SNED1: variants seen among roughly 807,000 people sequenced by gnomAD.
SNED1 encodes sushi, nidogen and EGF-like domain-containing protein 1.
In SNED1, 81 loss-of-function variants were observed where a neutral mutation model predicts 166.7. The observed-to-expected ratio is 0.49, with a 90% CI of 0.41 to 0.58. SNED1 has a LOEUF of 0.58. SNED1 is among the 20% of genes least tolerant of loss of function. The pLI is 0.00. For missense variants in SNED1, 1,604 were observed against 2,000.2 expected (o/e 0.80, Z 3.78); for synonymous variants, 762 against 822.0 (o/e 0.93, Z 1.25).
chr2:241,080,623 T>C (rs1038189555), intron 27 of SNED1, among the ~76,000 whole-genome samples: 2 of 152,226 alleles, frequency 1.3e-5, no homozygotes, highest in Admixed American at 6.5e-5. Flanking sequence ...GGAGCCAACC[T>C]GAAGGGCTCC....
At chr2:241,020,548 G>A (rs2060740695) in intron 1 of SNED1, among the ~76,000 whole-genome samples, 1 of 152,220 alleles carries the variant, frequency 6.6e-6, no homozygotes, top group Non-Finnish European at 1.5e-5. Context: ...TCTTGGCTTT[G>A]GTACTCTTGA....
At chr2:241,043,245 T>TA (rs1484774091) in intron 8 of SNED1, among the ~76,000 whole-genome samples, 2 of 151,876 alleles carry the variant, frequency 1.3e-5, no homozygotes, top group African/African-American at 2.4e-5. Flanking sequence ...AAACTAATGA[T>TA]AAAAAACCTC....
intron 8 of SNED1, among the ~76,000 whole-genome samples, chr2:241,047,566 C>T (rs1390162756): frequency 6.6e-6 from 1 of 152,074 alleles, no homozygotes; most frequent in African/African-American, 2.4e-5. Context: ...ATAAGTAAGG[C>T]CCAATACATT....
intron 2 of SNED1, 94 bp downstream of exon 2, chr2:241,030,665 G>T (rs1228004869): frequency 3.0e-6 from 4 of 1,316,128 alleles, no homozygotes; most frequent in Non-Finnish European, 4.2e-6. Context: ...TGTGGGTGTG[G>T]TGCAGTCACT....
intron 1 of SNED1, among the ~76,000 whole-genome samples, chr2:241,026,760 T>G (rs1239972227): frequency 3.3e-5 from 5 of 152,210 alleles, no homozygotes; most frequent in African/African-American, 4.8e-5. Context: ...AACATAAAAT[T>G]TAATATCATA....
chr2:241,085,401 CTG>C (rs1235546520), intron 29 of SNED1, among the ~76,000 whole-genome samples: 2 of 152,158 alleles, frequency 1.3e-5, no homozygotes, highest in African/African-American at 4.8e-5. Flanking sequence ...TTTATTAATA[CTG>C]TGTTTTATCA....
At position 241,094,335 on chromosome 2, in the gene SNED1, C is replaced by T. The variant is rs774988119; in HGVS notation, c.*2699C>T. The T allele has an allele frequency of 4.3e-6, 2 of 470,578 alleles. No homozygotes were observed. The highest frequency in any genetic ancestry group is 2.0e-5 in the African/African-American group (1 of 50,196). The allele number at this position is 470,578 out of a possible 1,614,324, so 29.2% of individuals were successfully genotyped here. ...ACTGGCAAAGGACTGCCACTGCCAT[C>T]TGACTCAACTGTGGCGATGTGGACG... On this transcript the variant is annotated 3_prime_UTR_variant, in exon 32 of 32. Coordinates refer to ENST00000310397, the MANE Select transcript of SNED1 (RefSeq NM_001080437.3). The surrounding 1 kb of genome is among the most constrained non-coding windows in gnomAD (Gnocchi z 4.3).
At chr2:241,034,783 G>C in intron 4 of SNED1, 53 bp downstream of exon 4, 2 of 1,479,156 alleles carry the variant, frequency 1.4e-6, no homozygotes, top group Non-Finnish European at 1.8e-6. Flanking sequence ...GAAGGGGGTT[G>C]ATGGCAGAGG....
chr2:241,052,439 C>A lies in SNED1; in HGVS notation c.2054C>A (p.Ala685Glu). 6.2e-7 allele frequency: 1 copy of A among 1,609,444 alleles called. No homozygotes were observed. The highest frequency in any genetic ancestry group is 8.5e-7 in the Non-Finnish European group (1 of 1,177,756). ...RDTDFFCHCQ[A>E]GYMGRRCQAE... ...ACGGATTTCTTCTGCCACTGCCAAGCAGGGTACATGGGACGCCGGTGCCAG... is the reference window on the plus strand; with the variant it reads ...ACGGATTTCTTCTGCCACTGCCAAGAAGGGTACATGGGACGCCGGTGCCAG... Residue 685 changes from alanine (A) to glutamate (E), a missense_variant, in exon 15 of 32, where the codon GCA becomes GAA. Transcript: ENST00000310397.
At position 241,068,467 on chromosome 2, in the gene SNED1, A is replaced by G. The variant is rs190342870; in HGVS notation, c.3195-444A>G. On this transcript the variant is annotated intron_variant, in intron 22 of 31. Coordinates refer to ENST00000310397, the MANE Select transcript of SNED1 (RefSeq NM_001080437.3). This position sits in a 1 kb window ranked among gnomAD's most constrained non-coding sequence, Gnocchi z 5.3. ...TGCTCAGCGCAGGCAGGGGTGCAGGAAAAGATCGGAGAGCGAGTGGGAAGG... is the reference window on the plus strand; with the variant it reads ...TGCTCAGCGCAGGCAGGGGTGCAGGGAAAGATCGGAGAGCGAGTGGGAAGG... 1.9e-3 allele frequency among the ~76,000 whole-genome samples: 289 copies of G among 152,240 alleles called. No homozygotes were observed. The highest frequency in any genetic ancestry group is 6.6e-3 in the African/African-American group (275 of 41,528).
chr2:240,999,180 G>GGACA lies in SNED1; in HGVS notation c.213+132_213+135dup, dbSNP rs552823966. ...ACCGGGGCGGCCCGAGGTGGAATGA[G>GGACA]GACAGCGCTTCCTCCTCGGCGGCCA... On this transcript the variant is annotated intron_variant, in intron 1 of 31. Coordinates refer to ENST00000310397, the MANE Select transcript of SNED1 (RefSeq NM_001080437.3). The surrounding 1 kb of genome is among the most constrained non-coding windows in gnomAD (Gnocchi z 5.8). 2.9e-4 allele frequency: 128 copies of GGACA among 446,770 alleles called. No individual in the cohort carries two copies. In the South Asian group the frequency reaches 7.6e-3, roughly 26 times the overall value. The allele number at this position is 446,770 out of a possible 1,614,324, so 27.7% of individuals were successfully genotyped here.
intron 1 of SNED1, among the ~76,000 whole-genome samples, chr2:241,029,582 G>C (rs1184332055): frequency 6.6e-6 from 1 of 152,268 alleles, no homozygotes; most frequent in South Asian, 2.1e-4. Flanking sequence ...CCTGTTATAA[G>C]TAAGAAAACC....
chr2:241,054,393 C>A (rs1410501724), intron 16 of SNED1, among the ~76,000 whole-genome samples: 1 of 151,954 alleles, frequency 6.6e-6, no homozygotes, highest in Non-Finnish European at 1.5e-5. Context: ...CATAGGGAGA[C>A]CTCATCTCTA....
chr2:241,046,775 A>C (rs1195559469), intron 8 of SNED1, among the ~76,000 whole-genome samples: 1 of 152,224 alleles, frequency 6.6e-6, no homozygotes, highest in Non-Finnish European at 1.5e-5. Flanking sequence ...GGTGTGGTGA[A>C]CAAAAGTCAA....
chr2:241,037,861 A>C (rs1014708670), intron 6 of SNED1, among the ~76,000 whole-genome samples: 1 of 152,172 alleles, frequency 6.6e-6, no homozygotes, highest in African/African-American at 2.4e-5. Flanking sequence ...CCCTGCCTTC[A>C]GGGAAAGGGG....
At chr2:241,025,859 T>C (rs2060946530) in intron 1 of SNED1, among the ~76,000 whole-genome samples, 1 of 152,076 alleles carries the variant, frequency 6.6e-6, no homozygotes, top group Non-Finnish European at 1.5e-5. Context: ...ATGCCCCTAA[T>C]GGTAACCTGT....
intron 20 of SNED1, 102 bp from the exon 21 acceptor site, chr2:241,065,197 C>A: frequency 8.1e-7 from 1 of 1,232,876 alleles, no homozygotes; most frequent in South Asian, 1.4e-5. Context: ...ATGGCTGTGT[C>A]AGGCCCAAGA....
chr2:241,044,765 G>T (rs968923683), intron 8 of SNED1, among the ~76,000 whole-genome samples: 14 of 152,194 alleles, frequency 9.2e-5, no homozygotes, highest in African/African-American at 3.4e-4. Flanking sequence ...TTTCAAAGGG[G>T]TTGGGTATTG....
Position 241,030,471 on chromosome 2 carries a change from T to G in SNED1, c.401T>G (p.Val134Gly). 6.2e-7 allele frequency: 1 copy of G among 1,613,910 alleles called. No homozygotes were observed. The highest frequency in any genetic ancestry group is 8.5e-7 in the Non-Finnish European group (1 of 1,179,890). ...PAMLRRATED[V>G]RHYFPELLDF... The stretch of plus-strand genomic sequence containing the variant: ...ATGCTGCGCCGAGCCACGGAGGACG[T>G]CAGGCACTACTTCCCCGAGCTCCTG... The change falls in exon 2 of 32, where the codon GTC (valine) becomes GGC (glycine). Residue 134 changes from valine (V) to glycine (G), a missense_variant. By Grantham distance (109) the Val-to-Gly change is moderately radical (BLOSUM62 -3). Coordinates refer to ENST00000310397, the MANE Select transcript of SNED1 (RefSeq NM_001080437.3).
Sources: gnomAD v4.1 joint callset for allele counts (sites outside exome capture counted in the v4.1 genomes callset) on GRCh38, gnomAD v4.1.1 for gene constraint, Gnocchi (gnomAD v3.1) non-coding constraint, MANE v1.5 for transcripts, NCBI Gene and HGNC (gene_info 2026-07-23, HGNC 2026-07-21) for gene names.